The following GNG7 variants were observed in gnomAD, a reference collection of about 807,000 sequenced individuals.
The protein encoded by GNG7 is G protein subunit gamma 7, also known as guanine nucleotide-binding protein G(I)/G(S)/G(O) subunit gamma-7.
In GNG7, 1 loss-of-function variant was observed where a neutral mutation model predicts 4.0. The observed-to-expected ratio is 0.25, with a 90% CI of 0.09 to 1.18. The LOEUF (loss-of-function observed/expected upper bound fraction) is 1.18, where lower values mean the gene tolerates loss of function less well. Among genes scored for constraint, GNG7 ranks in the 50% most tolerant of loss-of-function variants. The pLI is 0.50. For missense variants in GNG7, 86 were observed against 91.9 expected (o/e 0.94, Z 0.26); for synonymous variants, 34 against 36.9 (o/e 0.92, Z 0.29).
At chr19:2,642,829 T>TG (rs1417237711) in intron 2 of GNG7, 1 of 456,624 alleles carries the variant, frequency 2.2e-6, no homozygotes, top group Admixed American at 2.3e-5. Context: ...ACACCAAACC[T>TG]GTGGCAGCCC....
intron 1 of GNG7, among the ~76,000 whole-genome samples, chr19:2,697,001 C>A (rs1033160473): frequency 6.6e-6 from 1 of 152,032 alleles, no homozygotes; most frequent in Admixed American, 6.6e-5. Context: ...TACAGGCGCC[C>A]GGCTAATTTT....
At chr19:2,612,192 A>G (rs1981589707) in intron 2 of GNG7, among the ~76,000 whole-genome samples, 1 of 151,988 alleles carries the variant, frequency 6.6e-6, no homozygotes, top group South Asian at 2.1e-4. Context: ...TTTCTTTTTA[A>G]TAATTGGATT....
intron 1 of GNG7, among the ~76,000 whole-genome samples, chr19:2,675,611 A>G (rs1340149167): frequency 6.6e-6 from 1 of 152,232 alleles, no homozygotes; most frequent in East Asian, 1.9e-4. Context: ...TGCTGGGGGA[A>G]ATATTTCCCC....
At chr19:2,536,660 G>T (rs1599378189) in intron 3 of GNG7, among the ~76,000 whole-genome samples, 1 of 152,166 alleles carries the variant, frequency 6.6e-6, no homozygotes, top group South Asian at 2.1e-4. Flanking sequence ...GCGAGGTCCC[G>T]ACAGGGAGGA....
intron 1 of GNG7, among the ~76,000 whole-genome samples, chr19:2,661,290 G>GT (rs1983152675): frequency 2.1e-5 from 1 of 47,580 alleles, no homozygotes; most frequent in Non-Finnish European, 4.1e-5. Flanking sequence ...AAGAAAGAAA[G>GT]AAAGAAAGAA....
At chr19:2,663,731 T>C (rs934419870) in intron 1 of GNG7, among the ~76,000 whole-genome samples, 2 of 152,238 alleles carry the variant, frequency 1.3e-5, no homozygotes, top group African/African-American at 4.8e-5. Context: ...ATGATTCATT[T>C]TGGCATTTTG....
At chr19:2,701,087 C>T (rs1011757512) in intron 1 of GNG7, 3 of 152,082 alleles carry the variant, frequency 2.0e-5, no homozygotes, top group Non-Finnish European at 4.4e-5. Context: ...CCGACAGGAG[C>T]CTTTCTCCTT....
At position 2,616,390 on chromosome 19, in the gene GNG7, G is replaced by A. The variant is rs1279926149; in HGVS notation, c.-78+29834C>T. ...CTCCCGAGTAGCTGGGATTACAGGC[G>A]TGTGCCACCGTGCCCAGCTAATTTT... On this transcript the variant is annotated intron_variant, in intron 2 of 4. Coordinates refer to ENST00000382159, the MANE Select transcript of GNG7 (RefSeq NM_052847.3). Among the ~76,000 whole-genome samples the A allele has an allele frequency of 3.3e-5, 5 of 152,086 alleles. No individual in the cohort carries two copies. In the South Asian group the frequency reaches 6.2e-4, roughly 19 times the overall value.
intron 2 of GNG7, among the ~76,000 whole-genome samples, chr19:2,567,095 G>A (rs1321771519): frequency 2.1e-5 from 3 of 143,512 alleles, no homozygotes; most frequent in Admixed American, 7.2e-5. Flanking sequence ...CTGGGCGACA[G>A]AGCGAGACTC....
At chr19:2,613,119 G>A (rs1342615563) in intron 2 of GNG7, among the ~76,000 whole-genome samples, 2 of 151,858 alleles carry the variant, frequency 1.3e-5, no homozygotes, top group Admixed American at 6.6e-5. Flanking sequence ...TTTAAGGGAC[G>A]TGGAAAAGGA....
At chr19:2,638,504 GGA>G (rs1982389726) in intron 2 of GNG7, among the ~76,000 whole-genome samples, 1 of 14,706 alleles carries the variant, frequency 6.8e-5, no homozygotes, top group Non-Finnish European at 2.2e-4. Context: ...GGAGGGGAAT[GGA>G]AGGGGAGGGG....
At chr19:2,686,307 GC>G (rs1983869918) in intron 1 of GNG7, among the ~76,000 whole-genome samples, 1 of 152,026 alleles carries the variant, frequency 6.6e-6, no homozygotes, top group Admixed American at 6.6e-5. Flanking sequence ...ACAGGCACCC[GC>G]CACCACGCCT....
At chr19:2,613,640 G>A (rs948909991) in intron 2 of GNG7, among the ~76,000 whole-genome samples, 5 of 152,090 alleles carry the variant, frequency 3.3e-5, no homozygotes, top group African/African-American at 9.7e-5. Context: ...CCTGGGCGGG[G>A]GGTCTCAATC....
chr19:2,533,238 AAATATT>A (rs1375509880), intron 3 of GNG7, among the ~76,000 whole-genome samples: 2 of 148,606 alleles, frequency 1.3e-5, no homozygotes, highest in African/African-American at 4.9e-5. Context: ...TTAATATATT[AAATATT>A]AATATTAAAT....
intron 2 of GNG7, among the ~76,000 whole-genome samples, chr19:2,563,096 C>G (rs1157425692): frequency 2.0e-5 from 3 of 151,998 alleles, no homozygotes; most frequent in African/African-American, 4.8e-5. Context: ...AGGCGCCCAC[C>G]ACCACGCCCA....
chr19:2,663,723 G>T (rs570699804), intron 1 of GNG7, among the ~76,000 whole-genome samples: 11 of 152,308 alleles, frequency 7.2e-5, no homozygotes, highest in African/African-American at 2.2e-4. Context: ...CCAAGAAAAT[G>T]ATTCATTTTG....
rs1982256801 is a variant in GNG7 at position 2,634,568 on chromosome 19, A to G, written c.-78+11656T>C. Among the ~76,000 whole-genome samples the G allele has an allele frequency of 6.6e-6, 1 of 151,772 alleles. No homozygotes were observed. The highest frequency in any genetic ancestry group is 2.4e-5 in the African/African-American group (1 of 41,270). ...GTGGCAGAGCCCCTGATTTCGGCAC[A>G]GCGCCCCGTAATTACTTGCGGGCTG... On this transcript the variant is annotated intron_variant, in intron 2 of 4. Coordinates refer to ENST00000382159, the MANE Select transcript of GNG7 (RefSeq NM_052847.3). This position sits in a 1 kb window ranked among gnomAD's most constrained non-coding sequence, Gnocchi z 5.3.
chr19:2,517,045 T>C (rs1972746039), intron 4 of GNG7: 2 of 152,302 alleles, frequency 1.3e-5, no homozygotes, highest in South Asian at 4.1e-4. Flanking sequence ...ACTGTGTCTC[T>C]GTGGGACTCA....
intron 1 of GNG7, among the ~76,000 whole-genome samples, chr19:2,654,192 G>A (rs1433854281): frequency 1.3e-5 from 2 of 152,102 alleles, no homozygotes; most frequent in Non-Finnish European, 2.9e-5. Flanking sequence ...GAGGAAAGAC[G>A]AGCTTCTGCA....
Sources: allele counts gnomAD v4.1 joint callset (sites outside exome capture counted in the v4.1 genomes callset), GRCh38; gene constraint gnomAD v4.1.1; non-coding constraint Gnocchi (gnomAD v3.1); transcripts MANE v1.5; gene names NCBI Gene and HGNC (gene_info 2026-07-23, HGNC 2026-07-21).